FRMD4B: variants seen among roughly 807,000 people sequenced by gnomAD.
FRMD4B encodes the protein FERM domain-containing protein 4B.
FRMD4B carries 74 observed loss-of-function variants against 141.5 expected under a neutral mutation model. The observed-to-expected ratio is 0.52, with a 90% CI of 0.43 to 0.63. FRMD4B has a LOEUF of 0.63. FRMD4B is among the 30% of genes least tolerant of loss of function. The pLI, the probability that FRMD4B is intolerant of heterozygous loss-of-function variation, is 0.00. For synonymous variants in FRMD4B, 506 were observed against 467.9 expected, an observed-to-expected ratio of 1.08 and a Z score of -1.05; for missense variants, 1,366 against 1,253.4, an observed-to-expected ratio of 1.09 and a Z score of -1.36.
intron 5 of FRMD4B, among the ~76,000 whole-genome samples, chr3:69,284,870 A>C (rs1700616972): frequency 6.6e-6 from 1 of 152,162 alleles, no homozygotes; most frequent in African/African-American, 2.4e-5. Flanking sequence ...CTAAAGATAG[A>C]AACTCTAAGG....
At chr3:69,183,932 G>C in intron 19 of FRMD4B, among the ~76,000 whole-genome samples, 1 of 151,878 alleles carries the variant, frequency 6.6e-6, no homozygotes, top group Non-Finnish European at 1.5e-5. Context: ...GTCTCGCTCT[G>C]TCATCCAGGC....
chr3:69,335,435 C>G (rs539619513), intron 1 of FRMD4B, among the ~76,000 whole-genome samples: 8 of 147,564 alleles, frequency 5.4e-5, no homozygotes, highest in African/African-American at 2.0e-4. Flanking sequence ...TGCAGTGGCA[C>G]GATCTTGGCT....
chr3:69,379,050 A>G (rs2106671470), intron 1 of FRMD4B, among the ~76,000 whole-genome samples: 1 of 152,304 alleles, frequency 6.6e-6, no homozygotes, highest in South Asian at 2.1e-4. Flanking sequence ...TCTCCCTTAC[A>G]TGAAAATACA....
At chr3:69,536,527 G>C in intron 1 of FRMD4B, 1 of 697,584 alleles carries the variant, frequency 1.4e-6, no homozygotes, top group Non-Finnish European at 2.6e-6. Context: ...CTCTACCACC[G>C]TGCGGGGGGT....
At chr3:69,217,956 T>C (rs1020532095) in intron 10 of FRMD4B, among the ~76,000 whole-genome samples, 6 of 152,134 alleles carry the variant, frequency 3.9e-5, no homozygotes, top group African/African-American at 1.2e-4. Flanking sequence ...GATTAAAACA[T>C]GGTATTGCAA....
At chr3:69,179,372 A>G (rs2092681788) in intron 21 of FRMD4B, among the ~76,000 whole-genome samples, 1 of 152,154 alleles carries the variant, frequency 6.6e-6, no homozygotes, top group Non-Finnish European at 1.5e-5. Flanking sequence ...TTTCCCTTGT[A>G]GTACTCTGTC....
intron 7 of FRMD4B, among the ~76,000 whole-genome samples, chr3:69,245,834 GT>G (rs1183774603): frequency 0.031 from 2,398 of 78,332 alleles, 10 homozygotes; most frequent in East Asian, 0.13. Flanking sequence ...AGGCTAATTT[GT>G]TTTTTTTTTT....
At chr3:69,502,976 C>A (rs912239045) in intron 1 of FRMD4B, among the ~76,000 whole-genome samples, 29 of 152,138 alleles carry the variant, frequency 1.9e-4, no homozygotes, top group Non-Finnish European at 4.4e-5. Flanking sequence ...AAATCAAAAC[C>A]ACAATGAGAC....
At chr3:69,240,642 C>T (rs949290207) in intron 7 of FRMD4B, among the ~76,000 whole-genome samples, 1 of 152,138 alleles carries the variant, frequency 6.6e-6, no homozygotes, top group African/African-American at 2.4e-5. Flanking sequence ...CTTGAAGCCC[C>T]AACTCTTTAA....
intron 1 of FRMD4B, among the ~76,000 whole-genome samples, chr3:69,359,845 G>A (rs540381270): frequency 1.3e-5 from 2 of 152,298 alleles, no homozygotes; most frequent in South Asian, 2.1e-4. Flanking sequence ...GAAAAATGAA[G>A]AGAAAAGGGT....
intron 1 of FRMD4B, among the ~76,000 whole-genome samples, chr3:69,439,116 T>C (rs139711371): frequency 1.5e-3 from 222 of 152,276 alleles, no homozygotes; most frequent in African/African-American, 4.9e-3. Context: ...TTTTGTAATT[T>C]TAAAACTTTT....
intron 22 of FRMD4B, among the ~76,000 whole-genome samples, chr3:69,174,820 C>T (rs949476446): frequency 2.0e-5 from 3 of 152,114 alleles, no homozygotes; most frequent in East Asian, 1.9e-4. Context: ...TACACAAACA[C>T]GAAAATAATT....
At chr3:69,264,274 A>C (rs577806268) in intron 5 of FRMD4B, among the ~76,000 whole-genome samples, 1 of 152,186 alleles carries the variant, frequency 6.6e-6, no homozygotes, top group Non-Finnish European at 1.5e-5. Context: ...CCTAGTAGGT[A>C]TAATTCTTAA....
chr3:69,452,502 G>C (rs575058326), intron 1 of FRMD4B, among the ~76,000 whole-genome samples: 62 of 152,350 alleles, frequency 4.1e-4, no homozygotes, highest in Admixed American at 2.1e-3. Context: ...ATTATGCTAG[G>C]TATTGAGTTA....
intron 1 of FRMD4B, among the ~76,000 whole-genome samples, chr3:69,362,514 C>T (rs1703498427): frequency 1.3e-5 from 2 of 152,114 alleles, no homozygotes; most frequent in South Asian, 2.1e-4. Context: ...CCCATCTCTA[C>T]TAAAAGTACA....
In FRMD4B at chr3:69,188,053, G is replaced by A. The variant is rs4368504; in HGVS notation, c.1772-136C>T. The stretch of plus-strand genomic sequence containing the variant: ...TCTTCCAAAGATGATATTTTTAGAA[G>A]AACATAACTCTTTCAAGAAGTTAAT... On this transcript the variant is annotated intron_variant, in intron 18 of 22. Transcript: ENST00000398540. 34 of 638,558 alleles carry A rather than the reference G, an allele frequency of 5.3e-5. 1 individual carries two copies. In the South Asian group the frequency reaches 5.9e-4, roughly 11 times the overall value. 39.6% of individuals were successfully genotyped at this position (638,558 alleles called of 1,614,324 possible).
At chr3:69,260,939 G>C (rs1446090495) in intron 5 of FRMD4B, among the ~76,000 whole-genome samples, 1 of 152,222 alleles carries the variant, frequency 6.6e-6, no homozygotes, top group East Asian at 1.9e-4. Flanking sequence ...GCACTAATCA[G>C]TACCCTGTCA....
At chr3:69,528,252 C>G (rs1575601552) in intron 1 of FRMD4B, among the ~76,000 whole-genome samples, 1 of 149,394 alleles carries the variant, frequency 6.7e-6, no homozygotes, top group South Asian at 2.2e-4. Flanking sequence ...CTGCCTCCCT[C>G]CCTCCCTTCC....
Position 69,313,481 on chromosome 3 carries a change from C to T in FRMD4B, c.199G>A (p.Asp67Asn), listed in dbSNP as rs867098403. Reference protein sequence around the residue: ...EGRHCQVHLLDDRRLELLVQP... With the variant: ...EGRHCQVHLLNDRRLELLVQP... ...ACCAGCAGCTCCAGTCTCCTATCAT[C>T]CAGGAGGTGCACCTGGCAGTGCCTG... The change falls in exon 2 of 23, where the codon GAT becomes AAT. Residue 67 changes from aspartate (D) to asparagine (N), a missense_variant. Asp to Asn is a conservative substitution (Grantham distance 23). Coordinates refer to ENST00000398540, the MANE Select transcript of FRMD4B (RefSeq NM_015123.3). The T allele has an allele frequency of 6.4e-7, 1 of 1,572,812 alleles. No individual in the cohort carries two copies.
Sources: gnomAD v4.1 joint callset for allele counts (sites outside exome capture counted in the v4.1 genomes callset) on GRCh38, gnomAD v4.1.1 for gene constraint, MANE v1.5 for transcripts, NCBI Gene and HGNC (gene_info 2026-07-23, HGNC 2026-07-21) for gene names.